The following ZNF618 variants were observed in gnomAD, a reference collection of about 807,000 sequenced individuals.
The protein encoded by ZNF618 is neural precursor cell expressed, developmentally down-regulated 10.
A neutral mutation model predicts 103.0 loss-of-function variants in ZNF618; 34 were observed. The ratio of observed to expected loss-of-function variants is 0.33; its 90% CI spans 0.25 to 0.44. ZNF618 has a LOEUF of 0.44. Among genes scored for constraint, ZNF618 ranks in the 20% least tolerant of loss-of-function variants. The probability of loss-of-function intolerance (pLI) is 1.00; values close to 1 mark genes in which losing one functional copy is unlikely to be tolerated. For synonymous variants in ZNF618, 551 were observed against 542.2 expected, an observed-to-expected ratio of 1.02 and a Z score of -0.23; for missense variants, 1,059 against 1,295.4, an observed-to-expected ratio of 0.82 and a Z score of 2.80.
At chr9:114,012,326 A>G (rs1199243690) in intron 9 of ZNF618, among the ~76,000 whole-genome samples, 1 of 151,888 alleles carries the variant, frequency 6.6e-6, no homozygotes, top group Non-Finnish European at 1.5e-5. Context: ...TGGCTTGCAG[A>G]TGGTCACCAT....
chr9:113,890,823 A>G lies in ZNF618; in HGVS notation c.33+14410A>G, dbSNP rs190092377. Among the ~76,000 whole-genome samples the G allele has an allele frequency of 2.0e-5, 3 of 152,312 alleles. No individual in the cohort carries two copies. In the East Asian group the frequency reaches 5.8e-4, roughly 29 times the overall value. ...CTGATGGGCAAACTAATGGGGTTGAATATCTGTTGGTATAGTTTTATATTT... is the reference window on the plus strand; with the variant it reads ...CTGATGGGCAAACTAATGGGGTTGAGTATCTGTTGGTATAGTTTTATATTT... On this transcript the variant is annotated intron_variant, in intron 1 of 14. Transcript: ENST00000374126.
chr9:114,023,791 T>C lies in ZNF618; in HGVS notation c.845-4942T>C, dbSNP rs140537732. On this transcript the variant is annotated intron_variant, in intron 10 of 14. Transcript: ENST00000374126. ...AATGTCATTCCTTTGTCTTCTGGCT[T>C]AAGTTGTTTCTGATGAAAAGTCAGA... is the stretch of plus-strand genomic sequence containing the variant. Among the ~76,000 whole-genome samples, 538 of 152,248 alleles carry C rather than the reference T, an allele frequency of 3.5e-3. 5 individuals carry two copies. The highest frequency in any genetic ancestry group is 4.2e-3 in the Non-Finnish European group (288 of 67,982).
chr9:114,004,090 A>C (rs1351874470), intron 6 of ZNF618, among the ~76,000 whole-genome samples: 1 of 152,254 alleles, frequency 6.6e-6, no homozygotes, highest in Non-Finnish European at 1.5e-5. Context: ...CCTGCCCAAC[A>C]AAACCCCAAA....
chr9:113,909,258 C>T (rs910077396), intron 1 of ZNF618, among the ~76,000 whole-genome samples: 3 of 152,066 alleles, frequency 2.0e-5, no homozygotes, highest in African/African-American at 4.8e-5. Flanking sequence ...CTGATACCTG[C>T]AGCTCAGGTC....
intron 3 of ZNF618, among the ~76,000 whole-genome samples, chr9:113,993,210 T>A (rs555935391): frequency 6.6e-6 from 1 of 152,012 alleles, no homozygotes; most frequent in South Asian, 2.1e-4. Context: ...CACAAGGCAC[T>A]ACCATTGCTC....
At position 113,877,063 on chromosome 9, in the gene ZNF618, G is replaced by A. The variant is rs148163383; in HGVS notation, c.33+650G>A. ...GTTTGCACTACCAGGCAGTGGAGGG[G>A]TAAGAGATTCTTTTTTTTTCTTTTT... On this transcript the variant is annotated intron_variant, in intron 1 of 14. Coordinates refer to ENST00000374126, the MANE Select transcript of ZNF618 (RefSeq NM_001318042.2). 4.4e-4 allele frequency among the ~76,000 whole-genome samples: 67 copies of A among 152,020 alleles called. No individual in the cohort carries two copies. In the East Asian group the frequency reaches 9.1e-3, roughly 21 times the overall value.
intron 1 of ZNF618, among the ~76,000 whole-genome samples, chr9:113,908,542 A>G (rs1831205551): frequency 6.6e-6 from 1 of 152,082 alleles, no homozygotes. Context: ...TTCTGATTTT[A>G]AAAGGAATGA....
intron 2 of ZNF618, among the ~76,000 whole-genome samples, chr9:113,980,488 G>C (rs1838873805): frequency 6.6e-6 from 1 of 152,132 alleles, no homozygotes; most frequent in African/African-American, 2.4e-5. Context: ...GGAAGGCTGA[G>C]GTGGGAAGAC....
chr9:113,996,928 C>G (rs1840658843), intron 3 of ZNF618, among the ~76,000 whole-genome samples: 1 of 152,202 alleles, frequency 6.6e-6, no homozygotes, highest in Non-Finnish European at 1.5e-5. Flanking sequence ...TACTTTGAGC[C>G]CAGTTCCTTG....
intron 2 of ZNF618, among the ~76,000 whole-genome samples, chr9:113,987,154 G>A (rs544085567): frequency 1.3e-5 from 2 of 152,324 alleles, no homozygotes; most frequent in South Asian, 2.1e-4. Flanking sequence ...CCCAGTATGT[G>A]CAAGCCTCAG....
At chr9:114,039,512 A>T (rs909860242) in intron 13 of ZNF618, among the ~76,000 whole-genome samples, 1 of 151,964 alleles carries the variant, frequency 6.6e-6, no homozygotes, top group African/African-American at 2.4e-5. Flanking sequence ...CACCATGCTC[A>T]GCTAAGTTTT....
chr9:114,020,967 T>C (rs149777180), intron 10 of ZNF618, among the ~76,000 whole-genome samples: 57 of 142,594 alleles, frequency 4.0e-4, no homozygotes, highest in African/African-American at 1.3e-3. Flanking sequence ...TTACCTCTTA[T>C]TTATAGTTTA....
chr9:114,031,939 T>C (rs898216121), intron 11 of ZNF618, among the ~76,000 whole-genome samples: 3 of 152,194 alleles, frequency 2.0e-5, no homozygotes, highest in African/African-American at 7.2e-5. Context: ...TTCATGGTTT[T>C]CCACCTGGTT....
intron 1 of ZNF618, among the ~76,000 whole-genome samples, chr9:113,924,963 G>A (rs1204436168): frequency 6.6e-6 from 1 of 151,930 alleles, no homozygotes; most frequent in East Asian, 1.9e-4. Context: ...CTTGGTGAAT[G>A]TTCTGTGTGT....
intron 3 of ZNF618, among the ~76,000 whole-genome samples, chr9:113,995,823 T>C (rs1048768712): frequency 7.2e-5 from 11 of 152,116 alleles, no homozygotes; most frequent in African/African-American, 2.7e-4. Flanking sequence ...ACCTCTTTGC[T>C]TGGAGCCCCA....
intron 14 of ZNF618, among the ~76,000 whole-genome samples, chr9:114,048,336 G>A (rs78384330): frequency 1.3e-5 from 2 of 152,148 alleles, no homozygotes; most frequent in African/African-American, 4.8e-5. Context: ...CCATATTAGA[G>A]GAGATTCCTG....
chr9:114,027,945 A>G (rs771447229), intron 10 of ZNF618: 1 of 152,024 alleles, frequency 6.6e-6, no homozygotes, highest in Non-Finnish European at 1.5e-5. Context: ...CATTCATGAG[A>G]ATGAGGCCAG....
At chr9:114,029,936 C>T (rs906110396) in intron 11 of ZNF618, among the ~76,000 whole-genome samples, 2 of 152,242 alleles carry the variant, frequency 1.3e-5, no homozygotes, top group East Asian at 1.9e-4. Flanking sequence ...CTTAGATTCA[C>T]GTTTGGATGG....
chr9:114,031,174 T>G (rs940975035), intron 11 of ZNF618, among the ~76,000 whole-genome samples: 1 of 152,146 alleles, frequency 6.6e-6, no homozygotes, highest in African/African-American at 2.4e-5. Context: ...GGAACTTGGA[T>G]GTAAAGTATC....
Sources: gnomAD v4.1 joint callset for allele counts (sites outside exome capture counted in the v4.1 genomes callset) on GRCh38, gnomAD v4.1.1 for gene constraint, MANE v1.5 for transcripts, NCBI Gene and HGNC (gene_info 2026-07-23, HGNC 2026-07-21) for gene names.